Variants in TSACC observed in about 807,000 individuals in gnomAD.
TSACC encodes TSSK6 activating cochaperone, also known as TSSK6-activating co-chaperone protein.
Under a neutral mutation model 6.9 loss-of-function variants are expected in TSACC, and 3 were observed. The observed-to-expected ratio is 0.43, with a 90% CI of 0.20 to 1.12. The LOEUF (loss-of-function observed/expected upper bound fraction) is 1.12, where lower values mean the gene tolerates loss of function less well. TSACC is among the 50% of genes most tolerant of loss of function. The probability of loss-of-function intolerance (pLI) is 0.28; values close to 1 mark genes in which losing one functional copy is unlikely to be tolerated. For synonymous variants in TSACC, 54 were observed against 55.1 expected, an observed-to-expected ratio of 0.98 and a Z score of 0.09; for missense variants, 137 against 143.9, an observed-to-expected ratio of 0.95 and a Z score of 0.24.
At chr1:156,340,443 G>A (rs1665808325) in intron 2 of TSACC, among the ~76,000 whole-genome samples, 1 of 150,352 alleles carries the variant, frequency 6.7e-6, no homozygotes, top group African/African-American at 2.4e-5. Context: ...ACAGGTGTGA[G>A]CTACCGCCCC....
At chr1:156,337,901 G>T, upstream of TSACC, 1 of 548,894 alleles carries the variant, frequency 1.8e-6, no homozygotes, top group Non-Finnish European at 3.2e-6. Flanking sequence ...AACGCGGAGT[G>T]GGAAAGAGCT....
intron 2 of TSACC, among the ~76,000 whole-genome samples, chr1:156,340,696 G>A (rs1665828312): frequency 6.8e-6 from 1 of 147,720 alleles, no homozygotes; most frequent in Admixed American, 6.7e-5. Flanking sequence ...CCTGACCTCA[G>A]GTGATCCGCC....
intron 2 of TSACC, among the ~76,000 whole-genome samples, chr1:156,343,203 G>A (rs963400881): frequency 6.6e-6 from 1 of 152,150 alleles, no homozygotes; most frequent in African/African-American, 2.4e-5. Flanking sequence ...GATTCAATAT[G>A]TCCAGATGTG....
At chr1:156,343,326 GAA>G (rs1221129403) in intron 2 of TSACC, among the ~76,000 whole-genome samples, 1 of 152,194 alleles carries the variant, frequency 6.6e-6, no homozygotes, top group Non-Finnish European at 1.5e-5. Context: ...ATAATGGGAA[GAA>G]GAGCGGCAAA....
At chr1:156,344,840 C>G in intron 3 of TSACC, 132 bp downstream of exon 3, 1 of 1,091,300 alleles carries the variant, frequency 9.2e-7, no homozygotes, top group Non-Finnish European at 1.3e-6. Flanking sequence ...TCCGTGATAG[C>G]TTGTTGATTA....
intron 3 of TSACC, among the ~76,000 whole-genome samples, chr1:156,344,941 GAAGTGAAC>G: frequency 6.6e-6 from 1 of 152,374 alleles, no homozygotes; most frequent in Middle Eastern, 3.4e-3. Flanking sequence ...AGGCAGGAGT[GAAGTGAAC>G]CTCTCATTGC....
At chr1:156,340,165 T>C (rs1294753100) in intron 2 of TSACC, among the ~76,000 whole-genome samples, 1 of 151,476 alleles carries the variant, frequency 6.6e-6, no homozygotes, top group Non-Finnish European at 1.5e-5. Flanking sequence ...TGGACATAAT[T>C]TTTTTTTTGT....
intron 2 of TSACC, among the ~76,000 whole-genome samples, chr1:156,343,559 C>G (rs897073570): frequency 5.3e-5 from 8 of 152,084 alleles, no homozygotes; most frequent in Non-Finnish European, 1.2e-4. Context: ...TATATTGATC[C>G]CAGGGAATGA....
chr1:156,339,660 G>C lies in TSACC; in HGVS notation c.-98G>C. The C allele has an allele frequency of 6.6e-7, 1 of 1,512,460 alleles. No homozygotes were observed. The highest frequency in any genetic ancestry group is 9.1e-7 in the Non-Finnish European group (1 of 1,097,064). The allele number at this position is 1,512,460 out of a possible 1,614,324, so 93.7% of individuals were successfully genotyped here. On this transcript the variant is annotated 5_prime_UTR_variant, in exon 2 of 4. Coordinates refer to ENST00000368254, the MANE Select transcript of TSACC (RefSeq NM_001304817.2). ...TTGGAACAGGCTGAGATCTGCTGGAGACAACTTAGGAAATTATCATAGTGA... is the reference window on the plus strand; with the variant it reads ...TTGGAACAGGCTGAGATCTGCTGGACACAACTTAGGAAATTATCATAGTGA...
At chr1:156,343,919 T>C (rs1245061615) in intron 2 of TSACC, among the ~76,000 whole-genome samples, 2 of 152,114 alleles carry the variant, frequency 1.3e-5, no homozygotes, top group African/African-American at 4.8e-5. Context: ...TTTGTATTTT[T>C]AGTAGAGACG....
At chr1:156,339,528 G>A in intron 1 of TSACC, 106 bp from the exon 2 acceptor site, 1 of 491,874 alleles carries the variant, frequency 2.0e-6, no homozygotes, top group Non-Finnish European at 3.6e-6. Context: ...AAGCACTAAA[G>A]GAAAACTGTT....
intron 2 of TSACC, among the ~76,000 whole-genome samples, chr1:156,343,399 C>T (rs1435943518): frequency 5.3e-5 from 8 of 152,214 alleles, no homozygotes; most frequent in Non-Finnish European, 1.0e-4. Flanking sequence ...GTGTATCCAT[C>T]TGTCTCTCTC....
intron 3 of TSACC, 44 bp from the exon 4 acceptor site, chr1:156,346,724 C>G (rs753795048): frequency 9.4e-6 from 15 of 1,589,098 alleles, no homozygotes; most frequent in South Asian, 3.3e-5. Flanking sequence ...TACCAAATCT[C>G]TCTCCTTTGT....
rs1222733040 is a variant in TSACC at position 156,346,811 on chromosome 1, G to A, written c.207G>A (p.Met69Ile). The A allele has an allele frequency of 1.9e-6, 3 of 1,614,194 alleles. No homozygotes were observed. Among genetic ancestry groups the A allele is most frequent in the South Asian group, 1.1e-5 (1 of 91,090 alleles). Residue 69 changes from methionine to isoleucine, a missense_variant, in exon 4 of 4, where the codon ATG becomes ATA. By Grantham distance (10) the Met-to-Ile change is conservative. Transcript: ENST00000368254. ...AATGCCTAGGACTCCTGGAATGTATGTATGCAAACCTCCAGCTTCAGACCC... is the reference window on the plus strand; with the variant it reads ...AATGCCTAGGACTCCTGGAATGTATATATGCAAACCTCCAGCTTCAGACCC... ...PKECLGLLECMYANLQLQTQL... is the reference protein window; with the variant it reads ...PKECLGLLECIYANLQLQTQL...
At chr1:156,338,266 A>C (rs1196680040), upstream of TSACC, 6 of 1,440,716 alleles carry the variant, frequency 4.2e-6, no homozygotes, top group Middle Eastern at 1.7e-4. Context: ...ACAGAAGCCC[A>C]GAAAACGCTG....
At chr1:156,345,224 A>T (rs913260245) in intron 3 of TSACC, among the ~76,000 whole-genome samples, 1 of 152,236 alleles carries the variant, frequency 6.6e-6, no homozygotes, top group Non-Finnish European at 1.5e-5. Flanking sequence ...TAAAAATACA[A>T]ACAGCAGATA....
chr1:156,341,212 G>A (rs1665865744), intron 2 of TSACC, among the ~76,000 whole-genome samples: 1 of 152,152 alleles, frequency 6.6e-6, no homozygotes, highest in South Asian at 2.1e-4. Flanking sequence ...CTAAGGGATG[G>A]GCTAAGGGTA....
chr1:156,339,301 A>AT (rs919942296), intron 1 of TSACC, among the ~76,000 whole-genome samples: 29 of 150,652 alleles, frequency 1.9e-4, no homozygotes, highest in East Asian at 9.7e-4. Flanking sequence ...GTGCTTTGAG[A>AT]TTTTTTTCCC....
chr1:156,344,503 T>A, intron 2 of TSACC, 77 bp from the exon 3 acceptor site: 1 of 1,543,424 alleles, frequency 6.5e-7, no homozygotes, highest in East Asian at 2.3e-5. Flanking sequence ...CCTGCTTTCA[T>A]GGACCAGGTG....
Sources: allele counts gnomAD v4.1 joint callset (sites outside exome capture counted in the v4.1 genomes callset), GRCh38; gene constraint gnomAD v4.1.1; transcripts MANE v1.5; gene names NCBI Gene and HGNC (gene_info 2026-07-23, HGNC 2026-07-21).